Variants in NOS1 observed in about 807,000 individuals in gnomAD.
NOS1 encodes the protein NOS type I.
Under a neutral mutation model 164.5 loss-of-function variants are expected in NOS1, and 51 were observed. The ratio of observed to expected loss-of-function variants is 0.31; its 90% CI spans 0.25 to 0.39. The LOEUF (loss-of-function observed/expected upper bound fraction) is 0.39. NOS1 is among the 10% of genes least tolerant of loss of function. The pLI, the probability that NOS1 is intolerant of heterozygous loss-of-function variation, is 1.00. For synonymous variants in NOS1, 719 were observed against 745.8 expected, an observed-to-expected ratio of 0.96 and a Z score of 0.59; for missense variants, 1,362 against 1,885.6, an observed-to-expected ratio of 0.72 and a Z score of 5.14.
chr12:117,249,415 A>C (rs1355443859), intron 17 of NOS1, among the ~76,000 whole-genome samples: 1 of 152,220 alleles, frequency 6.6e-6, no homozygotes, highest in Non-Finnish European at 1.5e-5. Flanking sequence ...CATGCTTCTA[A>C]GCTGGACCAA....
intron 20 of NOS1, among the ~76,000 whole-genome samples, chr12:117,238,463 C>T (rs1488746695): frequency 6.6e-6 from 1 of 152,170 alleles, no homozygotes; most frequent in Non-Finnish European, 1.5e-5. Context: ...GATCTGGCAA[C>T]CCATTTCTCC....
chr12:117,312,157 T>C (rs1482012900), intron 2 of NOS1, among the ~76,000 whole-genome samples: 1 of 152,118 alleles, frequency 6.6e-6, no homozygotes, highest in African/African-American at 2.4e-5. Context: ...AAAATAATAA[T>C]ACTATTAATA....
At chr12:117,354,741 G>A (rs1476975388) in intron 1 of NOS1, among the ~76,000 whole-genome samples, 1 of 152,074 alleles carries the variant, frequency 6.6e-6, no homozygotes, top group Non-Finnish European at 1.5e-5. Flanking sequence ...GCCTGTTTTG[G>A]ACACCATGAG....
At position 117,243,544 on chromosome 12, in the gene NOS1, T is replaced by TCCAA. The variant is rs1445419212; in HGVS notation, c.2824-113_2824-110dup. The TCCAA allele has an allele frequency of 2.2e-5, 21 of 945,188 alleles. No individual in the cohort carries two copies. The highest frequency in any genetic ancestry group is 3.2e-4 in the Middle Eastern group (1 of 3,174). The allele number at this position is 945,188 out of a possible 1,614,324, so 58.6% of individuals were successfully genotyped here. A position where few individuals can be genotyped will look rare whatever the true frequency, so the allele number is the denominator to read the frequency against. ...CTTCATTCACCCATCCATCCATCTA[T>TCCAA]CCAACCATCCATCCATCCATCCATC... On this transcript the variant is annotated intron_variant, in intron 18 of 28. Coordinates refer to ENST00000317775, the MANE Select transcript of NOS1 (RefSeq NM_000620.5). The surrounding 1 kb of genome is among the most constrained non-coding windows in gnomAD (Gnocchi z 4.3).
At chr12:117,318,807 G>A (rs955827718) in intron 2 of NOS1, among the ~76,000 whole-genome samples, 5 of 152,224 alleles carry the variant, frequency 3.3e-5, no homozygotes, top group African/African-American at 7.2e-5. Flanking sequence ...AGGAGCAGCT[G>A]GTGCTGGCAG....
chr12:117,272,088 G>A lies in NOS1; in HGVS notation c.1839+297C>T, dbSNP rs1484715555. On this transcript the variant is annotated intron_variant, in intron 10 of 28. Coordinates refer to ENST00000317775, the MANE Select transcript of NOS1 (RefSeq NM_000620.5). This position sits in a 1 kb window ranked among gnomAD's most constrained non-coding sequence, Gnocchi z 4.3. The stretch of plus-strand genomic sequence containing the variant: ...TGTGACCTTGAGCTTGTCATCTGTC[G>A]AAGGGGGATTCTCATACCTCAAGGT... 3.9e-5 allele frequency among the ~76,000 whole-genome samples: 6 copies of A among 152,302 alleles called. No individual in the cohort carries two copies. In the East Asian group the frequency reaches 7.7e-4, roughly 20 times the overall value.
chr12:117,272,695 A>G lies in NOS1; in HGVS notation c.1665-136T>C. ...GAATATGGTTCCTGGGCCCTGCTTC[A>G]GATCTGTGGAATTGCAGGTTCTGCA... On this transcript the variant is annotated intron_variant, in intron 9 of 28. Transcript: ENST00000317775. This position sits in a 1 kb window ranked among gnomAD's most constrained non-coding sequence, Gnocchi z 4.3. 1.3e-6 allele frequency: 1 copy of G among 764,142 alleles called. No homozygotes were observed. Among genetic ancestry groups the G allele is most frequent in the South Asian group, 2.1e-5 (1 of 48,200 alleles). The allele number at this position is 764,142 out of a possible 1,614,324, so 47.3% of individuals were successfully genotyped here. A position where few individuals can be genotyped will look rare whatever the true frequency, so the allele number is the denominator to read the frequency against.
At chr12:117,218,222 A>G in intron 27 of NOS1, 58 bp from the exon 28 acceptor site, 3 of 1,277,000 alleles carry the variant, frequency 2.3e-6, no homozygotes, top group Non-Finnish European at 3.4e-6. Context: ...GGCTTGGAGC[A>G]GGGGCAGACT....
intron 22 of NOS1, among the ~76,000 whole-genome samples, chr12:117,230,855 G>A (rs956275038): frequency 6.6e-6 from 1 of 152,184 alleles, no homozygotes; most frequent in Non-Finnish European, 1.5e-5. Context: ...AGGAAGCCAG[G>A]CACAGTAAGA....
Position 117,315,480 on chromosome 12 carries a change from T to A in NOS1, c.726-3888A>T, listed in dbSNP as rs553712065. ...CCACCCAGGAAGGATATTTTTAATA[T>A]GGGACCATGAGAAACATCCAGGTTG... is the stretch of plus-strand genomic sequence containing the variant. On this transcript the variant is annotated intron_variant, in intron 2 of 28. Coordinates refer to ENST00000317775, the MANE Select transcript of NOS1 (RefSeq NM_000620.5). Among the ~76,000 whole-genome samples, 21 of 152,350 alleles carry A rather than the reference T, an allele frequency of 1.4e-4. No individual in the cohort carries two copies. The South Asian group carries it at 4.3e-3, about 32-fold the overall frequency.
intron 4 of NOS1, among the ~76,000 whole-genome samples, chr12:117,288,898 C>T (rs1872873430): frequency 6.6e-6 from 1 of 152,196 alleles, no homozygotes; most frequent in South Asian, 2.1e-4. Context: ...CTAGACCACC[C>T]TGACCTTAGC....
At chr12:117,352,468 G>A (rs964774903) in intron 1 of NOS1, among the ~76,000 whole-genome samples, 3 of 152,164 alleles carry the variant, frequency 2.0e-5, no homozygotes, top group African/African-American at 7.2e-5. Context: ...CCCTGAGCCT[G>A]TTCTGTTGCT....
chr12:117,348,685 T>C (rs1035880680), intron 1 of NOS1, among the ~76,000 whole-genome samples: 2 of 152,220 alleles, frequency 1.3e-5, no homozygotes, highest in African/African-American at 2.4e-5. Context: ...TGAGTAAATT[T>C]TTTAAAAAAT....
chr12:117,307,856 A>G (rs1874230287), intron 3 of NOS1, among the ~76,000 whole-genome samples: 1 of 151,934 alleles, frequency 6.6e-6, no homozygotes, highest in South Asian at 2.1e-4. Context: ...ATCTCCAAAA[A>G]ATGTAAAAAT....
At chr12:117,359,106 T>C (rs1169070421) in intron 1 of NOS1, among the ~76,000 whole-genome samples, 2 of 152,234 alleles carry the variant, frequency 1.3e-5, no homozygotes, top group African/African-American at 4.8e-5. Context: ...TCCAGGTGAA[T>C]AATACGTGTG....
At chr12:117,262,156 T>A (rs908429883) in intron 13 of NOS1, among the ~76,000 whole-genome samples, 4 of 152,168 alleles carry the variant, frequency 2.6e-5, no homozygotes, top group African/African-American at 9.7e-5. Flanking sequence ...GAATAAAAGG[T>A]ACCTGGAGGG....
rs59309826 is a variant in NOS1, at chr12:117,300,551, G to A, written c.853-10125C>T. Among the ~76,000 whole-genome samples the A allele has an allele frequency of 0.014, 2,206 of 152,184 alleles. 86 individuals are homozygous for A. In the East Asian group the frequency reaches 0.17, roughly 11 times the overall value. ...TCACTGAGCAGGCGATGGCTCAGGT[G>A]GAAGGAAGGAAGATGCCTCTGGGAT... On this transcript the variant is annotated intron_variant, in intron 3 of 28. Coordinates refer to ENST00000317775, the MANE Select transcript of NOS1 (RefSeq NM_000620.5).
intron 3 of NOS1, among the ~76,000 whole-genome samples, chr12:117,298,604 C>A (rs1873587848): frequency 6.6e-6 from 1 of 152,204 alleles, no homozygotes; most frequent in Non-Finnish European, 1.5e-5. Flanking sequence ...AGGTCATCAG[C>A]ATGGGTCCTG....
At chr12:117,215,683 T>G (rs1304348192) in intron 28 of NOS1, among the ~76,000 whole-genome samples, 1 of 152,050 alleles carries the variant, frequency 6.6e-6, no homozygotes, top group East Asian at 2.0e-4. Context: ...TCTGCCCGCC[T>G]CAGCCTCCCA....
Sources: allele counts gnomAD v4.1 joint callset (sites outside exome capture counted in the v4.1 genomes callset), GRCh38; gene constraint gnomAD v4.1.1; non-coding constraint Gnocchi (gnomAD v3.1); transcripts MANE v1.5; gene names NCBI Gene and HGNC (gene_info 2026-07-23, HGNC 2026-07-21).